Variants in CNTNAP5 observed in about 807,000 individuals in gnomAD.
CNTNAP5 encodes contactin-associated protein-like 5.
Under a neutral mutation model 150.2 loss-of-function variants are expected in CNTNAP5, and 72 were observed. The ratio of observed to expected loss-of-function variants is 0.48; its 90% CI spans 0.40 to 0.58. CNTNAP5 has a LOEUF of 0.58. Ranked by LOEUF, CNTNAP5 falls within the 20% of genes least tolerant of loss-of-function variation. The probability of loss-of-function intolerance (pLI) is 0.00; values close to 1 mark genes in which losing one functional copy is unlikely to be tolerated. For missense variants in CNTNAP5, 1,636 were observed against 1,626.2 expected (o/e 1.01, Z -0.10); for synonymous variants, 672 against 619.8 (o/e 1.08, Z -1.25).
chr2:124,044,137 A>G (rs1681464871), intron 1 of CNTNAP5, among the ~76,000 whole-genome samples: 1 of 152,192 alleles, frequency 6.6e-6, no homozygotes, highest in Non-Finnish European at 1.5e-5. Context: ...GAAGAATTAC[A>G]TTTAATATAG....
chr2:124,110,142 AG>A (rs1442992777), intron 1 of CNTNAP5, among the ~76,000 whole-genome samples: 2 of 152,192 alleles, frequency 1.3e-5, no homozygotes, highest in African/African-American at 4.8e-5. Context: ...ATACTTCTCC[AG>A]GTTGTGATTC....
chr2:124,361,966 G>C (rs1218874806), intron 3 of CNTNAP5, among the ~76,000 whole-genome samples: 2 of 152,168 alleles, frequency 1.3e-5, no homozygotes, highest in Non-Finnish European at 2.9e-5. Flanking sequence ...GCGAGACTTC[G>C]TGGGCGTAGG....
chr2:124,556,731 G>A (rs1405984913), intron 10 of CNTNAP5, among the ~76,000 whole-genome samples: 2 of 152,052 alleles, frequency 1.3e-5, no homozygotes, highest in Admixed American at 6.6e-5. Flanking sequence ...CTTGGATATA[G>A]GCTATGAGAG....
chr2:124,113,440 T>A (rs528379598), intron 1 of CNTNAP5, among the ~76,000 whole-genome samples: 3 of 152,128 alleles, frequency 2.0e-5, no homozygotes, highest in African/African-American at 7.2e-5. Flanking sequence ...TCTGTTCAAG[T>A]CTTTCGCCCA....
intron 11 of CNTNAP5, among the ~76,000 whole-genome samples, chr2:124,589,326 C>T (rs1165746497): frequency 2.0e-5 from 3 of 152,242 alleles, no homozygotes; most frequent in Middle Eastern, 3.4e-3. Flanking sequence ...TCATTTAGCA[C>T]GTTTTCACGA....
At chr2:124,375,991 T>A (rs1481407883) in intron 3 of CNTNAP5, among the ~76,000 whole-genome samples, 1 of 152,088 alleles carries the variant, frequency 6.6e-6, no homozygotes, top group East Asian at 1.9e-4. Context: ...CCTGCTGTTC[T>A]GCACTGGAAT....
At chr2:124,536,666 A>G (rs1695238145) in intron 10 of CNTNAP5, among the ~76,000 whole-genome samples, 1 of 152,158 alleles carries the variant, frequency 6.6e-6, no homozygotes, top group Admixed American at 6.5e-5. Context: ...CCAAAAGGCC[A>G]GAGAAAGAGG....
chr2:124,869,739 C>A lies in CNTNAP5; in HGVS notation c.3413C>A (p.Ser1138Ter). 6.2e-7 allele frequency: 1 copy of A among 1,610,932 alleles called. No homozygotes were observed. The highest frequency in any genetic ancestry group is 1.1e-5 in the South Asian group (1 of 90,914). The change falls in exon 21 of 24, where the codon TCA (serine) becomes TAA (stop). Residue 1138 changes from serine (S) to a stop codon, truncating the protein, a stop_gained. Transcript: ENST00000682447. LOFTEE classifies it high-confidence loss of function. ...SPEVEFRVIRSLTLGKVTENL... is the reference protein window; with the variant it reads ...SPEVEFRVIR ...GAAGTAGAGTTCAGGGTTATAAGGT[C>A]ACTCACCTTGGGCAAAGTCACAGGT...
chr2:124,831,790 T>G (rs926927759), intron 19 of CNTNAP5, among the ~76,000 whole-genome samples: 2 of 151,782 alleles, frequency 1.3e-5, no homozygotes, highest in African/African-American at 4.8e-5. Flanking sequence ...ATGAAAAGTT[T>G]ATTTACAAGT....
chr2:124,357,341 T>C (rs1478110697), intron 3 of CNTNAP5, among the ~76,000 whole-genome samples: 1 of 152,222 alleles, frequency 6.6e-6, no homozygotes, highest in Non-Finnish European at 1.5e-5. Flanking sequence ...TTGTCTTTTG[T>C]TGCCATTGCT....
At chr2:124,361,307 C>G (rs188595428) in intron 3 of CNTNAP5, among the ~76,000 whole-genome samples, 2 of 144,996 alleles carry the variant, frequency 1.4e-5, no homozygotes, top group African/African-American at 5.1e-5. Context: ...CTTCTCTCAG[C>G]TCATCAAAGT....
Position 124,310,057 on chromosome 2 carries a change from C to CTT in CNTNAP5, c.381+67677_381+67678dup, listed in dbSNP as rs68193263. Among the ~76,000 whole-genome samples the CTT allele has an allele frequency of 9.6e-3, 1,395 of 144,680 alleles. 26 individuals are homozygous for CTT. The highest frequency in any genetic ancestry group is 0.033 in the African/African-American group (1,299 of 39,422). The allele number at this position is 144,680 out of a possible 152,430, so 94.9% of individuals were successfully genotyped here. On this transcript the variant is annotated intron_variant, in intron 3 of 23. Coordinates refer to ENST00000682447, the MANE Select transcript of CNTNAP5 (RefSeq NM_001367498.1). ...TCTTCACGAGGCCTGAATCTCTTACCTTTTTTTTTTTTTTATGAGCATTAA... is the reference window on the plus strand; with the variant it reads ...TCTTCACGAGGCCTGAATCTCTTACCTTTTTTTTTTTTTTTTATGAGCATTAA...
At chr2:124,287,697 T>C (rs1245915596) in intron 3 of CNTNAP5, among the ~76,000 whole-genome samples, 1 of 152,192 alleles carries the variant, frequency 6.6e-6, no homozygotes, top group African/African-American at 2.4e-5. Context: ...ATAATTCTCA[T>C]CTAAGAGCCT....
At chr2:124,820,757 G>A (rs1682469362) in intron 19 of CNTNAP5, among the ~76,000 whole-genome samples, 1 of 152,134 alleles carries the variant, frequency 6.6e-6, no homozygotes, top group African/African-American at 2.4e-5. Context: ...GTATTAATCT[G>A]ATTTGCTGTC....
intron 7 of CNTNAP5, among the ~76,000 whole-genome samples, chr2:124,492,486 G>A (rs1308685274): frequency 3.3e-5 from 5 of 151,960 alleles, no homozygotes; most frequent in African/African-American, 7.2e-5. Flanking sequence ...ATGGCTTTGT[G>A]GTATACCTTG....
chr2:124,302,852 G>A (rs574480391), intron 3 of CNTNAP5, among the ~76,000 whole-genome samples: 2 of 152,184 alleles, frequency 1.3e-5, no homozygotes, highest in Non-Finnish European at 2.9e-5. Flanking sequence ...CTAGTCCAAT[G>A]TGAAACTCCT....
chr2:124,918,380 G>A lies in CNTNAP5; in HGVS notation c.*4092G>A, dbSNP rs925270530. 2.6e-5 allele frequency among the ~76,000 whole-genome samples: 4 copies of A among 151,952 alleles called. No individual in the cohort carries two copies. The highest frequency in any genetic ancestry group is 4.8e-5 in the African/African-American group (2 of 41,390). ...GAAGTCTACCCTTCCATCAGTAATT[G>A]ACTAAAAAAATGTTGTCCATTTATG... On this transcript the variant is annotated 3_prime_UTR_variant, in exon 24 of 24. Transcript: ENST00000682447.
At chr2:124,626,342 G>A (rs191578324) in intron 12 of CNTNAP5, among the ~76,000 whole-genome samples, 82 of 152,232 alleles carry the variant, frequency 5.4e-4, no homozygotes, top group Non-Finnish European at 6.9e-4. Flanking sequence ...AATGCAGAAC[G>A]TGGGTGATTA....
intron 2 of CNTNAP5, among the ~76,000 whole-genome samples, chr2:124,231,521 A>G (rs1201176577): frequency 1.3e-5 from 2 of 152,184 alleles, no homozygotes; most frequent in African/African-American, 2.4e-5. Flanking sequence ...TGCTCTTGAC[A>G]TAATTAGCTT....
Sources: allele counts gnomAD v4.1 joint callset (sites outside exome capture counted in the v4.1 genomes callset), GRCh38; gene constraint gnomAD v4.1.1; transcripts MANE v1.5; gene names NCBI Gene and HGNC (gene_info 2026-07-23, HGNC 2026-07-21).